The following PLCE1 variants were observed in gnomAD, a reference collection of about 807,000 sequenced individuals.
PLCE1 encodes the protein 1-phosphatidylinositol 4,5-bisphosphate phosphodiesterase epsilon-1.
In PLCE1, 119 loss-of-function variants were observed where a neutral mutation model predicts 242.8. That is an observed-to-expected ratio of 0.49 (90% CI 0.42 to 0.57). PLCE1 has a LOEUF of 0.57. PLCE1 is among the 20% of genes least tolerant of loss of function. The probability of loss-of-function intolerance (pLI) is 0.00; values close to 1 mark genes in which losing one functional copy is unlikely to be tolerated. For missense variants in PLCE1, 2,441 were observed against 2,788.8 expected (o/e 0.88, Z 2.81); for synonymous variants, 945 against 1,017.4 (o/e 0.93, Z 1.35).
intron 17 of PLCE1, 53 bp downstream of exon 17, chr10:94,269,089 T>C: frequency 1.4e-6 from 1 of 705,416 alleles, no homozygotes. Context: ...ATTATCTTCA[T>C]TTGTCTTTTT....
intron 1 of PLCE1, among the ~76,000 whole-genome samples, chr10:94,010,092 C>T (rs1323621551): frequency 2.0e-5 from 3 of 152,250 alleles, no homozygotes; most frequent in African/African-American, 7.2e-5. Context: ...CCCAGGCTTT[C>T]TGATACATCC....
At chr10:94,303,717 T>C (rs2053113215) in intron 24 of PLCE1, among the ~76,000 whole-genome samples, 1 of 152,204 alleles carries the variant, frequency 6.6e-6, no homozygotes, top group African/African-American at 2.4e-5. Flanking sequence ...TATTCCTTTC[T>C]AAAATTTAGT....
At chr10:94,106,930 C>CTCTCTCTCTT (rs2045761482) in intron 2 of PLCE1, 1 of 128,286 alleles carries the variant, frequency 7.8e-6, no homozygotes, top group Non-Finnish European at 1.7e-5. Flanking sequence ...CTCTCTCTCT[C>CTCTCTCTCTT]TCTCTCTCTC....
In PLCE1 at chr10:94,325,096, T is replaced by G. The variant is rs1311237801; in HGVS notation, c.*16T>G. The G allele has an allele frequency of 1.9e-6, 3 of 1,610,724 alleles. No individual in the cohort carries two copies. The highest frequency in any genetic ancestry group is 1.3e-5 in the African/African-American group (1 of 74,908). On this transcript the variant is annotated 3_prime_UTR_variant, in exon 32 of 33. Transcript: ENST00000371380. The stretch of plus-strand genomic sequence containing the variant: ...CCGACAGTGACTAAGGGCAGCATGT[T>G]TAACCCAGGTATAGTAAGTCATTGC...
At chr10:94,282,822 C>T (rs888532531) in intron 20 of PLCE1, among the ~76,000 whole-genome samples, 5 of 152,138 alleles carry the variant, frequency 3.3e-5, no homozygotes, top group East Asian at 1.9e-4. Flanking sequence ...CTGCTCCTAA[C>T]GGTCAGGAAG....
chr10:94,103,157 G>A (rs138169234), intron 2 of PLCE1, among the ~76,000 whole-genome samples: 2 of 152,316 alleles, frequency 1.3e-5, no homozygotes, highest in Non-Finnish European at 2.9e-5. Flanking sequence ...TGACTGTCAG[G>A]TGTCATGCTG....
At chr10:94,171,787 C>G (rs1245398551) in intron 4 of PLCE1, among the ~76,000 whole-genome samples, 2 of 152,092 alleles carry the variant, frequency 1.3e-5, no homozygotes, top group African/African-American at 4.8e-5. Context: ...AATCTCCAAC[C>G]CCTTCCTCTC....
chr10:94,259,282 A>C, intron 13 of PLCE1, 132 bp downstream of exon 13: 1 of 934,216 alleles, frequency 1.1e-6, no homozygotes, highest in Non-Finnish European at 1.7e-6. Flanking sequence ...AAGACTTAAG[A>C]GAATTTTTTT....
intron 4 of PLCE1, among the ~76,000 whole-genome samples, chr10:94,225,706 G>A (rs1017398401): frequency 2.6e-5 from 4 of 152,148 alleles, no homozygotes; most frequent in African/African-American, 9.7e-5. Flanking sequence ...TCCTACTTTT[G>A]ACATCAACAA....
intron 4 of PLCE1, among the ~76,000 whole-genome samples, chr10:94,181,301 G>A (rs900990257): frequency 3.9e-5 from 6 of 152,132 alleles, no homozygotes; most frequent in African/African-American, 9.7e-5. Context: ...GGCCGGGTGC[G>A]GTGGCTCACG....
intron 2 of PLCE1, among the ~76,000 whole-genome samples, chr10:94,127,758 A>T (rs1353632567): frequency 5.3e-5 from 8 of 152,202 alleles, no homozygotes; most frequent in Non-Finnish European, 1.0e-4. Flanking sequence ...TGAGGCAGAT[A>T]CTATTATATC....
chr10:94,290,429 T>C (rs1363676799), intron 22 of PLCE1, among the ~76,000 whole-genome samples: 1 of 151,434 alleles, frequency 6.6e-6, no homozygotes, highest in Non-Finnish European at 1.5e-5. Flanking sequence ...TTTTACTTCA[T>C]TTTATTTTTT....
At chr10:94,061,509 TAC>T (rs547770602) in intron 2 of PLCE1, among the ~76,000 whole-genome samples, 91 of 152,288 alleles carry the variant, frequency 6.0e-4, no homozygotes, top group African/African-American at 2.2e-3. Flanking sequence ...ATGATGTGCA[TAC>T]CATTAGCCAA....
intron 19 of PLCE1, among the ~76,000 whole-genome samples, chr10:94,278,410 A>C (rs886340153): frequency 6.6e-6 from 1 of 152,226 alleles, no homozygotes; most frequent in Non-Finnish European, 1.5e-5. Context: ...AGAAATGGCA[A>C]CTTTTTCATT....
At position 94,220,221 on chromosome 10, in the gene PLCE1, T is replaced by TAC. The variant is rs1306148514; in HGVS notation, c.1810-7073_1810-7072dup. Among the ~76,000 whole-genome samples the TAC allele has an allele frequency of 1.1e-4, 16 of 148,478 alleles. No individual in the cohort carries two copies. In the South Asian group the frequency reaches 1.5e-3, roughly 14 times the overall value. On this transcript the variant is annotated intron_variant, in intron 4 of 32. Transcript: ENST00000371380. ...ACACACACATACACACACACACACA[T>TAC]ACACACACACACATACATATATGTA...
At chr10:94,248,454 T>C (rs1291064420) in intron 8 of PLCE1, among the ~76,000 whole-genome samples, 1 of 151,956 alleles carries the variant, frequency 6.6e-6, no homozygotes, top group East Asian at 1.9e-4. Context: ...TACAAAAAAT[T>C]AGTCATGCAC....
intron 2 of PLCE1, among the ~76,000 whole-genome samples, chr10:94,085,875 G>A (rs958024861): frequency 6.6e-6 from 1 of 152,170 alleles, no homozygotes; most frequent in Non-Finnish European, 1.5e-5. Context: ...GTGCTCAACT[G>A]GCAATGTGCC....
chr10:93,995,888 G>A (rs2060809726), intron 1 of PLCE1, among the ~76,000 whole-genome samples: 1 of 152,166 alleles, frequency 6.6e-6, no homozygotes, highest in Non-Finnish European at 1.5e-5. Flanking sequence ...GGTTGGTTTT[G>A]TTTTTCTATT....
chr10:94,067,483 G>A (rs546825099), intron 2 of PLCE1, among the ~76,000 whole-genome samples: 1 of 152,272 alleles, frequency 6.6e-6, no homozygotes, highest in Non-Finnish European at 1.5e-5. Context: ...CAGAGTTTTT[G>A]TTTCCTTTAA....
Sources: allele counts gnomAD v4.1 joint callset (sites outside exome capture counted in the v4.1 genomes callset), GRCh38; gene constraint gnomAD v4.1.1; transcripts MANE v1.5; gene names NCBI Gene and HGNC (gene_info 2026-07-23, HGNC 2026-07-21).